EPS15: variants seen among roughly 807,000 people sequenced by gnomAD.
EPS15 encodes epidermal growth factor receptor pathway substrate 15, also known as epidermal growth factor receptor substrate 15.
Under a neutral mutation model 113.8 loss-of-function variants are expected in EPS15, and 72 were observed. That is an observed-to-expected ratio of 0.63 (90% confidence interval 0.52 to 0.77). The LOEUF (loss-of-function observed/expected upper bound fraction) is 0.77. EPS15 is among the 30% of genes least tolerant of loss of function. The pLI, the probability that EPS15 is intolerant of heterozygous loss-of-function variation, is 0.00. For missense variants in EPS15, 1,048 were observed against 1,045.8 expected (o/e 1.00, Z -0.03); for synonymous variants, 344 against 363.4 (o/e 0.95, Z 0.61).
chr1:51,461,039 CAT>C (rs1477928865), intron 8 of EPS15, 50 bp downstream of exon 8: 6 of 1,184,228 alleles, frequency 5.1e-6, no homozygotes, highest in Non-Finnish European at 7.6e-6. Context: ...GAAATTTGCA[CAT>C]GAGAAAATCA....
intron 21 of EPS15, among the ~76,000 whole-genome samples, chr1:51,371,773 T>C (rs549250618): frequency 6.6e-6 from 1 of 152,328 alleles, no homozygotes; most frequent in African/African-American, 2.4e-5. Flanking sequence ...TACAGTGATG[T>C]CTTGGGCCTT....
chr1:51,388,221 C>T (rs1313689639), intron 21 of EPS15, among the ~76,000 whole-genome samples: 1 of 152,226 alleles, frequency 6.6e-6, no homozygotes, highest in East Asian at 1.9e-4. Context: ...TGAATGACTA[C>T]TGGGTACATA....
In EPS15 at chr1:51,453,518, TCA is replaced by T. The variant is rs886800102; in HGVS notation, c.562-5385_562-5384del. ...ACAAAAGCAATTAAATCAAATGCAT[TCA>T]CACACACACCAAAAAAAATCTGGTT... On this transcript the variant is annotated intron_variant, in intron 8 of 24. Coordinates refer to ENST00000371733, the MANE Select transcript of EPS15 (RefSeq NM_001981.3). Among the ~76,000 whole-genome samples, 163 of 152,106 alleles carry T rather than the reference TCA, an allele frequency of 1.1e-3. 1 individual carries two copies. The highest frequency in any genetic ancestry group is 3.9e-3 in the African/African-American group (161 of 41,510).
chr1:51,469,660 T>C (rs901646199), intron 4 of EPS15, among the ~76,000 whole-genome samples: 23 of 152,182 alleles, frequency 1.5e-4, no homozygotes, highest in Admixed American at 1.4e-3. Flanking sequence ...ACCCAATTCA[T>C]AACCCATTCT....
intron 21 of EPS15, among the ~76,000 whole-genome samples, chr1:51,383,911 A>G (rs1265212071): frequency 6.6e-6 from 1 of 152,240 alleles, no homozygotes. Context: ...ACAAAAATCA[A>G]CATATGAAAA....
chr1:51,438,675 G>A (rs575014774), intron 12 of EPS15, among the ~76,000 whole-genome samples: 4 of 151,978 alleles, frequency 2.6e-5, no homozygotes, highest in African/African-American at 7.2e-5. Flanking sequence ...ACCATTTATG[G>A]ACCACATGAA....
At chr1:51,437,575 C>G (rs1652253222) in intron 12 of EPS15, among the ~76,000 whole-genome samples, 1 of 151,496 alleles carries the variant, frequency 6.6e-6, no homozygotes, top group Admixed American at 6.6e-5. Flanking sequence ...CTCTGCCTCC[C>G]AGGTTCAAGG....
At chr1:51,499,570 C>T (rs1481805826) in intron 1 of EPS15, among the ~76,000 whole-genome samples, 1 of 152,044 alleles carries the variant, frequency 6.6e-6, no homozygotes, top group African/African-American at 2.4e-5. Context: ...ATTTTACATT[C>T]CCATGAGCCA....
At chr1:51,441,413 C>A (rs1276843394) in intron 11 of EPS15, among the ~76,000 whole-genome samples, 1 of 152,086 alleles carries the variant, frequency 6.6e-6, no homozygotes, top group Non-Finnish European at 1.5e-5. Context: ...AACATTTCAT[C>A]TACACCCAAT....
At chr1:51,381,461 T>C (rs908719946) in intron 21 of EPS15, among the ~76,000 whole-genome samples, 1 of 151,956 alleles carries the variant, frequency 6.6e-6, no homozygotes, top group Admixed American at 6.6e-5. Context: ...GGCGTGGTGG[T>C]GGGCGCCTAT....
Position 51,497,850 on chromosome 1 carries a change from G to A in EPS15, c.34-16536C>T, listed in dbSNP as rs541014290. 9.7e-4 allele frequency among the ~76,000 whole-genome samples: 148 copies of A among 151,976 alleles called. 1 individual carries two copies. The highest frequency in any genetic ancestry group is 3.4e-3 in the African/African-American group (142 of 41,448). The stretch of plus-strand genomic sequence containing the variant: ...AAATTCGCTGGGCATGGTGGTGCGC[G>A]CCTGTAGTCCCAGCTACTTGGGAGG... On this transcript the variant is annotated intron_variant, in intron 1 of 24. Transcript: ENST00000371733.
chr1:51,508,223 GAAAAGAAAAGAAAAGAAAGAGAGAA>G (rs1644535270), intron 1 of EPS15, among the ~76,000 whole-genome samples: 2 of 78,472 alleles, frequency 2.5e-5, no homozygotes, highest in Admixed American at 1.3e-4. Flanking sequence ...GAAAAGAAAA[GAAAAGAAAAGAAAAGAAAGAGAGAA>G]AGAGAGAGAG....
At chr1:51,366,950 C>T (rs1182922873) in intron 21 of EPS15, among the ~76,000 whole-genome samples, 2 of 152,134 alleles carry the variant, frequency 1.3e-5, no homozygotes, top group African/African-American at 4.8e-5. Context: ...AGTCAACAAA[C>T]ATTTGTTGAC....
At chr1:51,378,705 TA>T (rs1557780473) in intron 21 of EPS15, among the ~76,000 whole-genome samples, 1 of 152,220 alleles carries the variant, frequency 6.6e-6, no homozygotes, top group Non-Finnish European at 1.5e-5. Flanking sequence ...ATGTAGTTCT[TA>T]AAAGTTCAAA....
At chr1:51,393,523 A>G (rs1647605779) in intron 21 of EPS15, among the ~76,000 whole-genome samples, 2 of 152,200 alleles carry the variant, frequency 1.3e-5, no homozygotes, top group Admixed American at 6.5e-5. Context: ...CATTTCTACT[A>G]TTCTTTTTCT....
intron 7 of EPS15, among the ~76,000 whole-genome samples, chr1:51,462,438 T>G (rs1438221859): frequency 6.7e-6 from 1 of 149,960 alleles, no homozygotes; most frequent in East Asian, 1.9e-4. Context: ...TGAAGAGGAT[T>G]ATGGAGAAAT....
intron 13 of EPS15, among the ~76,000 whole-genome samples, chr1:51,414,183 G>C (rs1045090937): frequency 6.6e-6 from 1 of 152,092 alleles, no homozygotes; most frequent in Non-Finnish European, 1.5e-5. Context: ...AGGCTGAGAC[G>C]GGTGGATGAC....
intron 16 of EPS15, among the ~76,000 whole-genome samples, chr1:51,405,260 C>T (rs1173335812): frequency 6.6e-6 from 1 of 152,154 alleles, no homozygotes; most frequent in Non-Finnish European, 1.5e-5. Context: ...AGCACTCTTG[C>T]ACATAGTTGG....
rs754767920 is a variant in EPS15 at position 51,447,012 on chromosome 1, G to C, written c.745C>G (p.Arg249Gly). ...AAACCTGTTTTCAAGAATATTTCAC[G>C]GACCTCCAATCCAGACACAAATCCG... ...MDGFVSGLEV[R>G]EIFLKTGLPS... is the part of the protein sequence containing the mutation. The change falls in exon 10 of 25, where the codon CGT (arginine) becomes GGT (glycine). Residue 249 changes from arginine (R) to glycine (G), a missense_variant. Physicochemically the swap from Arg to Gly is moderately radical, Grantham distance 125 (BLOSUM62 -2). Transcript: ENST00000371733. 6.2e-7 allele frequency: 1 copy of C among 1,612,912 alleles called. No individual in the cohort carries two copies. The highest frequency in any genetic ancestry group is 1.7e-5 in the Admixed American group (1 of 59,972).
Sources: gnomAD v4.1 joint callset for allele counts (sites outside exome capture counted in the v4.1 genomes callset) on GRCh38, gnomAD v4.1.1 for gene constraint, MANE v1.5 for transcripts, NCBI Gene and HGNC (gene_info 2026-07-23, HGNC 2026-07-21) for gene names.